AHRR: variants seen among roughly 807,000 people sequenced by gnomAD.
AHRR encodes ahR repressor.
AHRR carries 28 observed loss-of-function variants against 44.0 expected under a neutral mutation model. That is an observed-to-expected ratio of 0.64 (90% CI 0.47 to 0.87). AHRR has a LOEUF of 0.87. Among genes scored for constraint, AHRR ranks in the 40% least tolerant of loss-of-function variants. The pLI is 0.00. For synonymous variants in AHRR, 434 were observed against 407.0 expected (o/e 1.07, Z -0.80); for missense variants, 990 against 953.9 (o/e 1.04, Z -0.50).
intron 5 of AHRR, among the ~76,000 whole-genome samples, chr5:415,603 G>GCTGGGAGGCCTAGGGGCCGAATCTC: frequency 1.7e-5 from 1 of 59,636 alleles, no homozygotes; most frequent in Non-Finnish European, 4.3e-5. Context: ...GGCCGAATCT[G>GCTGGGAGGCCTAGGGGCCGAATCTC]CCTGGTGGGG....
At chr5:390,002 GA>G (rs1468149535) in intron 4 of AHRR, among the ~76,000 whole-genome samples, 1 of 151,536 alleles carries the variant, frequency 6.6e-6, no homozygotes, top group East Asian at 1.9e-4. Flanking sequence ...GCAGAATGCA[GA>G]CAGGACAGGA....
At chr5:367,826 C>T in intron 3 of AHRR, 2 of 702,418 alleles carry the variant, frequency 2.8e-6, no homozygotes, top group Non-Finnish European at 5.2e-6. Flanking sequence ...TTGGCAGTGG[C>T]AGATGCCGAA....
intron 8 of AHRR, among the ~76,000 whole-genome samples, chr5:429,970 A>T (rs1359731444): frequency 6.6e-6 from 1 of 152,086 alleles, no homozygotes; most frequent in Admixed American, 6.5e-5. Context: ...ATATGTCCTG[A>T]TTCCGATGCT....
intron 4 of AHRR, among the ~76,000 whole-genome samples, chr5:385,401 C>T (rs1294995679): frequency 6.6e-6 from 1 of 152,108 alleles, no homozygotes; most frequent in Non-Finnish European, 1.5e-5. Flanking sequence ...TCATAAACTC[C>T]TGACCTGAAG....
chr5:383,650 A>G lies in AHRR; in HGVS notation c.351+6934A>G, dbSNP rs530531186. 6.6e-6 allele frequency among the ~76,000 whole-genome samples: 1 copy of G among 151,504 alleles called. No individual in the cohort carries two copies. The highest frequency in any genetic ancestry group is 1.5e-5 in the Non-Finnish European group (1 of 67,844). On this transcript the variant is annotated intron_variant, in intron 4 of 10. Transcript: ENST00000684583. This position sits in a 1 kb window ranked among gnomAD's most constrained non-coding sequence, Gnocchi z 4.0. ...TGATCATAGCTCACTGTAACCTTGA[A>G]CTCCTGAGCTCAAGAGATCCTCCCG... is the stretch of plus-strand genomic sequence containing the variant.
At chr5:339,841 A>T (rs1318023831) in intron 1 of AHRR, among the ~76,000 whole-genome samples, 2 of 152,198 alleles carry the variant, frequency 1.3e-5, no homozygotes, top group African/African-American at 4.8e-5. Flanking sequence ...ATAGTGAATT[A>T]CAGTGATTGG....
At chr5:350,474 G>A (rs1280715679) in intron 2 of AHRR, among the ~76,000 whole-genome samples, 1 of 152,178 alleles carries the variant, frequency 6.6e-6, no homozygotes, top group African/African-American at 2.4e-5. Context: ...CGCCCTCAGG[G>A]CTTCTAGGCT....
Position 434,271 on chromosome 5 carries a change from A to T in AHRR, c.1531A>T (p.Lys511Ter). The stretch of plus-strand genomic sequence containing the variant: ...GAGGGGCTATCCCATGGAGGACATG[A>T]AGCTGCAAGGTGTACCGATGCCTCC... Reference protein sequence around the residue: ...ATRGYPMEDMKLQGVPMPPGD... With the variant: ...ATRGYPMEDM The change falls in exon 11 of 11, where the codon AAG (lysine) becomes TAG (stop). Residue 511 changes from lysine to a stop codon, truncating the protein, a stop_gained. Coordinates refer to ENST00000684583, the MANE Select transcript of AHRR (RefSeq NM_001377236.1). LOFTEE classifies it low-confidence loss of function (END_TRUNC). The T allele has an allele frequency of 6.2e-7, 1 of 1,604,552 alleles. No homozygotes were observed. Among genetic ancestry groups the T allele is most frequent in the Non-Finnish European group, 8.5e-7 (1 of 1,175,238 alleles).
At chr5:378,440 C>T (rs188541355) in intron 4 of AHRR, among the ~76,000 whole-genome samples, 117 of 152,296 alleles carry the variant, frequency 7.7e-4, no homozygotes, top group Non-Finnish European at 1.2e-3. Flanking sequence ...TTAAGATGCT[C>T]CACACGTTCA....
At chr5:429,469 T>C (rs1579711911) in intron 8 of AHRR, among the ~76,000 whole-genome samples, 1 of 149,086 alleles carries the variant, frequency 6.7e-6, no homozygotes, top group South Asian at 2.1e-4. Context: ...GGCAGAGGGG[T>C]GGTCTGGGCC....
At chr5:330,869 A>AT (rs34221385) in intron 1 of AHRR, among the ~76,000 whole-genome samples, 14,879 of 97,360 alleles carry the variant, frequency 0.15, 2,469 homozygotes, top group African/African-American at 0.37. Context: ...ATAATTCAGC[A>AT]TTTTTTTTTT....
rs994302033 is a variant in AHRR, at chr5:388,457, A to C, written c.351+11741A>C. 6.6e-6 allele frequency among the ~76,000 whole-genome samples: 1 copy of C among 152,102 alleles called. No homozygotes were observed. Among genetic ancestry groups the C allele is most frequent in the African/African-American group, 2.4e-5 (1 of 41,428 alleles). On this transcript the variant is annotated intron_variant, in intron 4 of 10. Coordinates refer to ENST00000684583, the MANE Select transcript of AHRR (RefSeq NM_001377236.1). The surrounding 1 kb of genome is among the most constrained non-coding windows in gnomAD (Gnocchi z 5.2). Reference sequence around the variant, plus strand: ...GGTGCTGTGAGGTTGTATCTGTCACACCCTTGTAAGGAGGGAGCCGGGGTC... The same window carrying C: ...GGTGCTGTGAGGTTGTATCTGTCACCCCCTTGTAAGGAGGGAGCCGGGGTC...
At chr5:378,619 G>A (rs1394810042) in intron 4 of AHRR, among the ~76,000 whole-genome samples, 1 of 152,248 alleles carries the variant, frequency 6.6e-6, no homozygotes, top group African/African-American at 2.4e-5. Context: ...TCTTGGTGCA[G>A]GTGCTAAGAG....
At chr5:426,408 ATGGT>A (rs1305082151) in intron 7 of AHRR, among the ~76,000 whole-genome samples, 1 of 141,920 alleles carries the variant, frequency 7.0e-6, no homozygotes, top group Non-Finnish European at 1.5e-5. Flanking sequence ...GGATGGATGG[ATGGT>A]TGGATAGATG....
At chr5:432,166 A>G in intron 8 of AHRR, 1 of 365,286 alleles carries the variant, frequency 2.7e-6, no homozygotes, top group South Asian at 2.8e-5. Context: ...TCCAGGAAAA[A>G]AATATAAGCT....
chr5:361,583 G>A (rs1161966638), intron 3 of AHRR, among the ~76,000 whole-genome samples: 2 of 152,172 alleles, frequency 1.3e-5, no homozygotes, highest in Non-Finnish European at 2.9e-5. Context: ...GAAAGAGGCC[G>A]GGCCTCTGGG....
chr5:408,899 AT>A (rs1735371606), intron 4 of AHRR, among the ~76,000 whole-genome samples: 1 of 152,136 alleles, frequency 6.6e-6, no homozygotes, highest in African/African-American at 2.4e-5. Context: ...AATGGGGTCG[AT>A]TTTTATAAAT....
chr5:366,717 G>A (rs748604912), intron 3 of AHRR, among the ~76,000 whole-genome samples: 11 of 152,170 alleles, frequency 7.2e-5, no homozygotes, highest in African/African-American at 2.4e-4. Flanking sequence ...GGAATAAGCC[G>A]GCATTGTGCA....
At chr5:385,399 T>A (rs1052765757) in intron 4 of AHRR, among the ~76,000 whole-genome samples, 1 of 152,162 alleles carries the variant, frequency 6.6e-6, no homozygotes, top group African/African-American at 2.4e-5. Flanking sequence ...AGTCATAAAC[T>A]CCTGACCTGA....
Sources: allele counts gnomAD v4.1 joint callset (sites outside exome capture counted in the v4.1 genomes callset), GRCh38; gene constraint gnomAD v4.1.1; non-coding constraint Gnocchi (gnomAD v3.1); transcripts MANE v1.5; gene names NCBI Gene and HGNC (gene_info 2026-07-23, HGNC 2026-07-21).